Variants in HPSE2 observed in about 807,000 individuals in gnomAD.
HPSE2 encodes the protein inactive heparanase-2.
In HPSE2, 38 loss-of-function variants were observed where a neutral mutation model predicts 60.5. The observed-to-expected ratio is 0.63, with a 90% CI of 0.48 to 0.82. The LOEUF (loss-of-function observed/expected upper bound fraction) is 0.82, where lower values mean the gene tolerates loss of function less well. HPSE2 is among the 40% of genes least tolerant of loss of function. HPSE2 has a pLI of 0.00. For missense variants in HPSE2, 713 were observed against 740.4 expected (o/e 0.96, Z 0.43); for synonymous variants, 295 against 293.2 (o/e 1.01, Z -0.06).
At chr10:98,603,786 C>A (rs960455123) in intron 9 of HPSE2, among the ~76,000 whole-genome samples, 2 of 151,954 alleles carry the variant, frequency 1.3e-5, no homozygotes, top group Non-Finnish European at 2.9e-5. Flanking sequence ...CTAATAATAC[C>A]CTGTTGGGGT....
At chr10:99,220,246 A>G (rs1312592137) in intron 2 of HPSE2, among the ~76,000 whole-genome samples, 1 of 152,202 alleles carries the variant, frequency 6.6e-6, no homozygotes, top group Admixed American at 6.5e-5. Context: ...GAAATATGAT[A>G]CTATAGCACA....
At chr10:98,991,194 A>T (rs953966921) in intron 3 of HPSE2, among the ~76,000 whole-genome samples, 2 of 152,232 alleles carry the variant, frequency 1.3e-5, no homozygotes, top group African/African-American at 4.8e-5. Context: ...TTCAAAGAAG[A>T]AGTTACAGAC....
chr10:99,309,356 T>C, the HPSE2 span, among the ~76,000 whole-genome samples: 1 of 152,190 alleles, frequency 6.6e-6, no homozygotes, highest in Admixed American at 6.5e-5. Flanking sequence ...TCTCAAACTA[T>C]TTAAAAATGA....
the HPSE2 span, among the ~76,000 whole-genome samples, chr10:99,305,979 G>GCACACACACACACACACACA: frequency 6.6e-3 from 534 of 80,496 alleles, 16 homozygotes; most frequent in African/African-American, 0.012. Context: ...GCGCGCGCGC[G>GCACACACACACACACACACA]CACACACACA....
intron 3 of HPSE2, among the ~76,000 whole-genome samples, chr10:98,793,872 A>T (rs1449018531): frequency 6.6e-6 from 1 of 152,212 alleles, no homozygotes; most frequent in East Asian, 1.9e-4. Flanking sequence ...AGGAGCAAAA[A>T]GAAAGCCAAG....
intron 3 of HPSE2, among the ~76,000 whole-genome samples, chr10:98,745,806 GT>G (rs1357413853): frequency 6.6e-6 from 1 of 152,112 alleles, no homozygotes; most frequent in Non-Finnish European, 1.5e-5. Context: ...CTAATGCAGA[GT>G]TTCTCAAATG....
intron 3 of HPSE2, among the ~76,000 whole-genome samples, chr10:98,876,766 C>G (rs554251045): frequency 2.0e-5 from 3 of 151,796 alleles, no homozygotes; most frequent in Non-Finnish European, 4.4e-5. Flanking sequence ...AGCTCTGTCT[C>G]AAAATATTAC....
chr10:98,634,069 A>G (rs1946433533), intron 7 of HPSE2, among the ~76,000 whole-genome samples: 1 of 152,256 alleles, frequency 6.6e-6, no homozygotes, highest in African/African-American at 2.4e-5. Context: ...ACATAGGCAT[A>G]GCTCATAGGG....
intron 3 of HPSE2, among the ~76,000 whole-genome samples, chr10:99,042,275 C>A (rs1471824115): frequency 6.6e-6 from 1 of 152,094 alleles, no homozygotes; most frequent in African/African-American, 2.4e-5. Flanking sequence ...ACTCCTGACC[C>A]CTGCCCCACC....
At chr10:99,243,862 G>C in the HPSE2 span, among the ~76,000 whole-genome samples, 1 of 152,218 alleles carries the variant, frequency 6.6e-6, no homozygotes, top group East Asian at 1.9e-4. Context: ...CTTGAACCTG[G>C]GAGGTGGAGG....
At chr10:98,467,889 G>A (rs1940610202) in intron 11 of HPSE2, among the ~76,000 whole-genome samples, 1 of 152,264 alleles carries the variant, frequency 6.6e-6, no homozygotes, top group South Asian at 2.1e-4. Flanking sequence ...ATTCCTGCAG[G>A]GGTGCCGGCT....
chr10:98,865,875 C>G (rs1193774556), intron 3 of HPSE2, among the ~76,000 whole-genome samples: 1 of 152,060 alleles, frequency 6.6e-6, no homozygotes, highest in Non-Finnish European at 1.5e-5. Context: ...TTGCTCCAGC[C>G]CTTCCTAACA....
the HPSE2 span, among the ~76,000 whole-genome samples, chr10:99,284,810 G>C: frequency 6.6e-6 from 1 of 151,986 alleles, no homozygotes; most frequent in Non-Finnish European, 1.5e-5. Flanking sequence ...CAAAGACATG[G>C]AATCAACCTA....
the HPSE2 span, among the ~76,000 whole-genome samples, chr10:99,274,227 AT>A: frequency 6.6e-6 from 1 of 151,750 alleles, no homozygotes; most frequent in African/African-American, 2.4e-5. Flanking sequence ...TGCGCCTGTA[AT>A]CCCAGCTACT....
intron 9 of HPSE2, among the ~76,000 whole-genome samples, chr10:98,504,368 T>C (rs892302644): frequency 6.6e-6 from 1 of 152,220 alleles, no homozygotes; most frequent in Non-Finnish European, 1.5e-5. Context: ...CCTTATTGTC[T>C]GACTCTCATT....
intron 3 of HPSE2, among the ~76,000 whole-genome samples, chr10:99,045,926 C>A (rs1589569182): frequency 6.6e-6 from 1 of 152,126 alleles, no homozygotes; most frequent in East Asian, 1.9e-4. Flanking sequence ...GAACTGGTAG[C>A]AATCCTACTG....
intron 2 of HPSE2, among the ~76,000 whole-genome samples, chr10:99,218,108 G>A (rs559360617): frequency 3.9e-5 from 6 of 151,908 alleles, no homozygotes; most frequent in South Asian, 2.1e-4. Flanking sequence ...CTGGAAACCC[G>A]GAAATGAATG....
intron 9 of HPSE2, among the ~76,000 whole-genome samples, chr10:98,574,869 C>T (rs1370674412): frequency 6.6e-6 from 1 of 152,236 alleles, no homozygotes; most frequent in Non-Finnish European, 1.5e-5. Context: ...TCTGTACATA[C>T]ATACTGAGAT....
chr10:99,186,724 C>T (rs1848044694), intron 2 of HPSE2, among the ~76,000 whole-genome samples: 1 of 152,010 alleles, frequency 6.6e-6, no homozygotes, highest in South Asian at 2.1e-4. Context: ...TGGAGGCATG[C>T]TTATTCTTTA....
Sources: gnomAD v4.1 joint callset for allele counts (sites outside exome capture counted in the v4.1 genomes callset) on GRCh38, gnomAD v4.1.1 for gene constraint, MANE v1.5 for transcripts, NCBI Gene and HGNC (gene_info 2026-07-23, HGNC 2026-07-21) for gene names.